RAB13: variants seen among roughly 807,000 people sequenced by gnomAD.
The protein encoded by RAB13 is RAB13, member RAS oncogene family.
RAB13 carries 15 observed loss-of-function variants against 29.3 expected under a neutral mutation model. The observed-to-expected ratio is 0.51, with a 90% CI of 0.34 to 0.79. The LOEUF (loss-of-function observed/expected upper bound fraction) is 0.79. Ranked by LOEUF, RAB13 falls within the 30% of genes least tolerant of loss-of-function variation. The pLI, the probability that RAB13 is intolerant of heterozygous loss-of-function variation, is 0.01. For synonymous variants in RAB13, 82 were observed against 93.8 expected (o/e 0.87, Z 0.73); for missense variants, 186 against 255.5 (o/e 0.73, Z 1.85).
chr1:153,984,739 T>A lies in RAB13; in HGVS notation c.167A>T (p.Lys56Met). The change falls in exon 2 of 8, where the codon AAG becomes ATG. Residue 56 changes from lysine (K) to methionine (M), a missense_variant. Transcript: ENST00000368575. The part of the protein sequence containing the change: ...KIRTVDIEGK[K>M]IKLQVWDTAG... ...GACTTACCAGACTTGTAGTTTGATC[T>A]TCTTCCCCTCTATATCCACAGTGCG... is the stretch of plus-strand genomic sequence containing the variant. 2 of 1,613,706 alleles carry A rather than the reference T, an allele frequency of 1.2e-6. No homozygotes were observed. The highest frequency in any genetic ancestry group is 2.2e-5 in the South Asian group (2 of 91,020).
chr1:153,985,810 G>A (rs1649145279), intron 1 of RAB13, among the ~76,000 whole-genome samples: 1 of 152,138 alleles, frequency 6.6e-6, no homozygotes, highest in East Asian at 1.9e-4. Context: ...GTGGGGGTAG[G>A]GGAAGAGGGG....
intron 1 of RAB13, chr1:153,985,492 C>A: frequency 2.3e-6 from 1 of 439,708 alleles, no homozygotes; most frequent in Non-Finnish European, 3.0e-6. Context: ...ACCAGGCTGA[C>A]TCAGAGACCC....
upstream of RAB13, among the ~76,000 whole-genome samples, chr1:153,989,630 C>T (rs1204677464): frequency 1.3e-5 from 2 of 151,916 alleles, no homozygotes; most frequent in Non-Finnish European, 1.5e-5. Context: ...CGGTGTCTCA[C>T]GCCTGTATTC....
Position 153,983,074 on chromosome 1 carries a change from G to A in RAB13, c.324+145C>T, listed in dbSNP as rs953472273. 68 of 811,016 alleles carry A rather than the reference G, an allele frequency of 8.4e-5. 1 individual carries two copies. The South Asian group carries it at 9.5e-4, about 11-fold the overall frequency. The allele number at this position is 811,016 out of a possible 1,614,324, so 50.2% of individuals were successfully genotyped here. On this transcript the variant is annotated intron_variant, in intron 4 of 7. Coordinates refer to ENST00000368575, the MANE Select transcript of RAB13 (RefSeq NM_002870.5). The stretch of plus-strand genomic sequence containing the variant: ...TGGGAGGCAGAGGTTGCAGTGAGCC[G>A]AGATCCTGCCATTGCACTCCAGCCC...
At chr1:153,983,833 T>C (rs994932712) in intron 2 of RAB13, among the ~76,000 whole-genome samples, 2 of 152,200 alleles carry the variant, frequency 1.3e-5, no homozygotes, top group African/African-American at 4.8e-5. Context: ...TCATTTTATC[T>C]AATCCTTACT....
Position 153,984,778 on chromosome 1 carries a change from A to G in RAB13, c.128T>C (p.Ile43Thr). The change falls in exon 2 of 8, where the codon ATT (isoleucine) becomes ACT (threonine). Residue 43 changes from isoleucine to threonine, a missense_variant. Physicochemically the swap from Ile to Thr is moderately conservative, Grantham distance 89. Transcript: ENST00000368575. ...FNNTYISTIGIDFKIRTVDIE... is the reference protein window; with the variant it reads ...FNNTYISTIGTDFKIRTVDIE... ...ATCCACAGTGCGGATCTTGAAATCA[A>G]TTCCTAGGGGTGGAAGGTATGCACT... The G allele has an allele frequency of 6.2e-7, 1 of 1,612,786 alleles. No individual in the cohort carries two copies. Among genetic ancestry groups the G allele is most frequent in the Non-Finnish European group, 8.5e-7 (1 of 1,179,414 alleles).
At chr1:153,987,910 T>C (rs2147863837), upstream of RAB13, among the ~76,000 whole-genome samples, 2 of 152,020 alleles carry the variant, frequency 1.3e-5, no homozygotes, top group South Asian at 4.2e-4. Flanking sequence ...GAGCCACGAT[T>C]ATGATGCCAC....
chr1:153,986,479 G>T, upstream of RAB13: 2 of 506,562 alleles, frequency 3.9e-6, no homozygotes, highest in East Asian at 3.3e-5. Context: ...TCCCTTCCTA[G>T]CTTAGGCCGG....
intron 1 of RAB13, chr1:153,985,498 G>C: frequency 7.9e-6 from 3 of 381,360 alleles, no homozygotes; most frequent in Non-Finnish European, 1.1e-5. Flanking sequence ...CTGACTCAGA[G>C]ACCCCAAAAG....
At chr1:153,985,667 G>A (rs1649139236) in intron 1 of RAB13, among the ~76,000 whole-genome samples, 1 of 152,172 alleles carries the variant, frequency 6.6e-6, no homozygotes, top group South Asian at 2.1e-4. Flanking sequence ...GGAAGTAGAT[G>A]GTGAGGTGGG....
chr1:153,987,542 AAG>A (rs1459208558), upstream of RAB13, among the ~76,000 whole-genome samples: 1 of 150,932 alleles, frequency 6.6e-6, no homozygotes, highest in Admixed American at 6.6e-5. Context: ...GAAAGAAAGA[AAG>A]AGAGTAAAAG....
chr1:153,990,534 A>G (rs1649327630), upstream of RAB13, among the ~76,000 whole-genome samples: 1 of 152,210 alleles, frequency 6.6e-6, no homozygotes, highest in Admixed American at 6.5e-5. Context: ...GTGTCCATTT[A>G]TCCCTGGATA....
rs1490471460 is a variant in RAB13, at chr1:153,983,595, A to G, written c.186-14T>C. 41 of 1,589,362 alleles carry G rather than the reference A, an allele frequency of 2.6e-5. No individual in the cohort carries two copies. The highest frequency in any genetic ancestry group is 3.5e-5 in the Non-Finnish European group (41 of 1,157,472). ...CCAGCCGTGTCCCTAAAGAAGGAGA[A>G]GTTTTCATGGGATGGAATAGAGGGA... On this transcript the variant is annotated splice_polypyrimidine_tract_variant and intron_variant, in intron 2 of 7. Transcript: ENST00000368575.
chr1:153,985,953 C>G, intron 1 of RAB13, 160 bp downstream of exon 1: 1 of 1,322,860 alleles, frequency 7.6e-7, no homozygotes, highest in Non-Finnish European at 1.0e-6. Flanking sequence ...GGTTACTATA[C>G]AGAGACATGC....
rs560548741 is a variant in RAB13 at position 153,982,160 on chromosome 1, G to A, written c.551C>T (p.Pro184Leu). 29 of 1,614,042 alleles carry A rather than the reference G, an allele frequency of 1.8e-5. No individual in the cohort carries two copies. Among genetic ancestry groups the A allele is most frequent in the Middle Eastern group, 1.7e-4 (1 of 6,026 alleles). The change falls in exon 8 of 8, where the codon CCT (proline) becomes CTT (leucine). Residue 184 changes from proline to leucine, a missense_variant. Pro to Leu is a moderately conservative substitution (Grantham distance 98). Coordinates refer to ENST00000368575, the MANE Select transcript of RAB13 (RefSeq NM_002870.5). ...ACAAGTTTTCAGGTCAGTACTGGGA[G>A]GCTTGTTGCCGTTTCCCTAGAGGGA... is the stretch of plus-strand genomic sequence containing the variant. ...GGRRSGNGNK[P>L]PSTDLKTCDK... is the part of the protein sequence containing the mutation.
chr1:153,982,302 AACACACACACACACACAC>A, intron 7 of RAB13, 71 bp downstream of exon 7: 2 of 1,296,928 alleles, frequency 1.5e-6, no homozygotes, highest in Non-Finnish European at 2.2e-6. Context: ...TATCAACACC[AACACACACACACACACAC>A]ACACACACAC....
upstream of RAB13, chr1:153,986,421 C>A (rs1649172667): frequency 6.7e-6 from 4 of 600,440 alleles, no homozygotes; most frequent in Non-Finnish European, 1.2e-5. Context: ...CCCGCCCACC[C>A]TTTTGAGCAG....
chr1:153,983,355 G>A lies in RAB13; in HGVS notation c.247-59C>T, dbSNP rs1200474730. The A allele has an allele frequency of 2.3e-5, 35 of 1,539,068 alleles. No homozygotes were observed. In the Admixed American group the frequency reaches 5.0e-4, roughly 22 times the overall value. On this transcript the variant is annotated intron_variant, in intron 3 of 7. Coordinates refer to ENST00000368575, the MANE Select transcript of RAB13 (RefSeq NM_002870.5). Reference sequence around the variant, plus strand: ...TCCCATTGAGGCTTCCCACTGCCCTGTAAGTGACCCCGCATCCATGGGTCT... The same window carrying A: ...TCCCATTGAGGCTTCCCACTGCCCTATAAGTGACCCCGCATCCATGGGTCT...
In RAB13 at chr1:153,981,843, C is replaced by T. The variant is rs1648981455; in HGVS notation, c.*256G>A. 3.6e-6 allele frequency: 2 copies of T among 554,578 alleles called. No individual in the cohort carries two copies. The highest frequency in any genetic ancestry group is 3.1e-5 in the Admixed American group (1 of 31,918). The allele number at this position is 554,578 out of a possible 1,614,324, so 34.4% of individuals were successfully genotyped here. Reference sequence around the variant, plus strand: ...GTAAGGTCTGAAGCCTGAGGCATCTCTCCTTCCTTTCCTCCTCCCTCTCTT... The same window carrying T: ...GTAAGGTCTGAAGCCTGAGGCATCTTTCCTTCCTTTCCTCCTCCCTCTCTT... On this transcript the variant is annotated 3_prime_UTR_variant, in exon 8 of 8. Coordinates refer to ENST00000368575, the MANE Select transcript of RAB13 (RefSeq NM_002870.5).
Sources: gnomAD v4.1 joint callset for allele counts (sites outside exome capture counted in the v4.1 genomes callset) on GRCh38, gnomAD v4.1.1 for gene constraint, MANE v1.5 for transcripts, NCBI Gene and HGNC (gene_info 2026-07-23, HGNC 2026-07-21) for gene names.